The following COL4A3 variants were observed in gnomAD, a reference collection of about 807,000 sequenced individuals.
COL4A3 encodes the protein collagen alpha-3(IV) chain.
Under a neutral mutation model 217.4 loss-of-function variants are expected in COL4A3, and 135 were observed. The observed-to-expected ratio is 0.62, with a 90% CI of 0.54 to 0.72. COL4A3 has a LOEUF of 0.72. Ranked by LOEUF, COL4A3 falls within the 30% of genes least tolerant of loss-of-function variation. COL4A3 has a pLI of 0.00. For synonymous variants in COL4A3, 690 were observed against 736.3 expected (o/e 0.94, Z 1.02); for missense variants, 1,868 against 2,119.9 (o/e 0.88, Z 2.33).
At chr2:227,177,997 T>C (rs1487358854) in intron 1 of COL4A3, among the ~76,000 whole-genome samples, 1 of 152,074 alleles carries the variant, frequency 6.6e-6, no homozygotes, top group Non-Finnish European at 1.5e-5. Context: ...CTCAACTTAA[T>C]AAGGAAAGGA....
chr2:227,300,733 T>C (rs1457362757), intron 43 of COL4A3, among the ~76,000 whole-genome samples: 1 of 152,070 alleles, frequency 6.6e-6, no homozygotes, highest in Non-Finnish European at 1.5e-5. Flanking sequence ...CACTGTGTGG[T>C]AGGAAGAATG....
chr2:227,261,956 C>T (rs900582713), intron 20 of COL4A3, among the ~76,000 whole-genome samples: 2 of 152,042 alleles, frequency 1.3e-5, no homozygotes, highest in Admixed American at 6.5e-5. Flanking sequence ...TTCTTTTTAA[C>T]GAAAACAAAA....
intron 2 of COL4A3, among the ~76,000 whole-genome samples, chr2:227,239,403 T>TGG (rs75544910): frequency 6.6e-6 from 1 of 151,996 alleles, no homozygotes; most frequent in South Asian, 2.1e-4. Flanking sequence ...GGTTTTCGTG[T>TGG]GGGGGGAAGG....
chr2:227,202,511 G>T (rs546485010), intron 1 of COL4A3, among the ~76,000 whole-genome samples: 178 of 151,746 alleles, frequency 1.2e-3, no homozygotes, highest in African/African-American at 4.3e-3. Context: ...TTGGGAGGCC[G>T]AGGCGGGCGG....
At chr2:227,308,201 G>A (rs146629082) in intron 48 of COL4A3, among the ~76,000 whole-genome samples, 18 of 152,048 alleles carry the variant, frequency 1.2e-4, no homozygotes, top group African/African-American at 4.3e-4. Flanking sequence ...TTATCTTTTT[G>A]GTGCTTTTTC....
chr2:227,200,033 A>T (rs1364885735), intron 1 of COL4A3, among the ~76,000 whole-genome samples: 1 of 152,222 alleles, frequency 6.6e-6, no homozygotes, highest in African/African-American at 2.4e-5. Context: ...AGGAAAAAAC[A>T]TAGAGATAGC....
At chr2:227,268,066 T>C (rs2071020955) in intron 23 of COL4A3, among the ~76,000 whole-genome samples, 1 of 152,188 alleles carries the variant, frequency 6.6e-6, no homozygotes, top group African/African-American at 2.4e-5. Context: ...TCTCTCTCCC[T>C]CGCTACCACC....
At chr2:227,308,384 T>C (rs1432201108) in intron 48 of COL4A3, among the ~76,000 whole-genome samples, 1 of 152,146 alleles carries the variant, frequency 6.6e-6, no homozygotes, top group Admixed American at 6.5e-5. Context: ...AGCTAATTTT[T>C]TTGATTTTCA....
Position 227,293,329 on chromosome 2 carries a change from G to A in COL4A3, c.3337+12G>A, listed in dbSNP as rs1314533540. On this transcript the variant is annotated intron_variant, in intron 38 of 51. Transcript: ENST00000396578. ...TCCTGGCCTCCCAGGTAAGGCTTGA[G>A]TTTACAATTCTAAAAGCTGGAAGCA... 6.2e-7 allele frequency: 1 copy of A among 1,613,714 alleles called. No homozygotes were observed. The highest frequency in any genetic ancestry group is 8.5e-7 in the Non-Finnish European group (1 of 1,179,950).
chr2:227,273,172 T>A, intron 26 of COL4A3, 55 bp downstream of exon 26: 1 of 1,589,576 alleles, frequency 6.3e-7, no homozygotes, highest in East Asian at 2.2e-5. Flanking sequence ...TGATGGTTTC[T>A]AGAGCTAACG....
At chr2:227,181,604 A>G (rs748652856) in intron 1 of COL4A3, among the ~76,000 whole-genome samples, 2 of 152,240 alleles carry the variant, frequency 1.3e-5, no homozygotes, top group Admixed American at 6.5e-5. Context: ...ACCAGTGAGA[A>G]TATTTTGGTA....
In COL4A3 at chr2:227,256,669, G is replaced by GA. The variant is rs574629082; in HGVS notation, c.987+279dup. ...TGCAGCTTCCCATGAGGAAGAGGTT[G>GA]AAAAAATCCTACAATTGTAGGAAGT... On this transcript the variant is annotated intron_variant, in intron 17 of 51. Coordinates refer to ENST00000396578, the MANE Select transcript of COL4A3 (RefSeq NM_000091.5). 133 of 603,354 alleles carry GA rather than the reference G, an allele frequency of 2.2e-4. 1 individual carries two copies. The highest frequency in any genetic ancestry group is 3.3e-4 in the Non-Finnish European group (106 of 325,692). 37.4% of individuals were successfully genotyped at this position (603,354 alleles called of 1,614,324 possible).
intron 4 of COL4A3, 62 bp downstream of exon 4, chr2:227,244,426 T>C (rs955705885): frequency 1.2e-5 from 18 of 1,487,064 alleles, no homozygotes; most frequent in Admixed American, 1.0e-4. Context: ...GTAAGAGTTA[T>C]ACAAATGTCA....
chr2:227,174,773 T>G (rs2065617073), intron 1 of COL4A3, among the ~76,000 whole-genome samples: 1 of 152,140 alleles, frequency 6.6e-6, no homozygotes, highest in Non-Finnish European at 1.5e-5. Flanking sequence ...TCCCAAAGTG[T>G]TGGGATTATA....
intron 1 of COL4A3, among the ~76,000 whole-genome samples, chr2:227,175,101 G>A (rs78677129): frequency 0.011 from 1,602 of 152,268 alleles, 56 homozygotes; most frequent in East Asian, 0.073. Flanking sequence ...AGCACTGAGG[G>A]ATGTGGTCCA....
At chr2:227,232,561 C>G (rs1223036471) in intron 1 of COL4A3, among the ~76,000 whole-genome samples, 2 of 151,808 alleles carry the variant, frequency 1.3e-5, no homozygotes, top group African/African-American at 2.4e-5. Context: ...GGATATAAGC[C>G]ATTTTAACTG....
chr2:227,208,801 CACACAT>C (rs1272139341), intron 1 of COL4A3, among the ~76,000 whole-genome samples: 5 of 105,594 alleles, frequency 4.7e-5, no homozygotes, highest in East Asian at 2.1e-4. Flanking sequence ...CACACACACA[CACACAT>C]ATATACAGAA....
At chr2:227,284,474 C>T in intron 34 of COL4A3, 129 bp downstream of exon 34, 2 of 1,060,282 alleles carry the variant, frequency 1.9e-6, no homozygotes, top group Non-Finnish European at 2.8e-6. Context: ...GCCCATCACA[C>T]AGCCGGTTGG....
At chr2:227,295,681 A>G (rs768086550) in intron 41 of COL4A3, among the ~76,000 whole-genome samples, 6 of 152,212 alleles carry the variant, frequency 3.9e-5, no homozygotes, top group Non-Finnish European at 8.8e-5. Flanking sequence ...TCTGAGACAC[A>G]GGAGTAATCC....
Sources: gnomAD v4.1 joint callset for allele counts (sites outside exome capture counted in the v4.1 genomes callset) on GRCh38, gnomAD v4.1.1 for gene constraint, MANE v1.5 for transcripts, NCBI Gene and HGNC (gene_info 2026-07-23, HGNC 2026-07-21) for gene names.